The following FLVCR1 variants were observed in gnomAD, a reference collection of about 807,000 sequenced individuals.
The protein encoded by FLVCR1 is FLVCR choline and heme transporter 1.
A neutral mutation model predicts 53.6 loss-of-function variants in FLVCR1; 34 were observed. That is an observed-to-expected ratio of 0.63 (90% CI 0.48 to 0.84). FLVCR1 has a LOEUF of 0.84. Among genes scored for constraint, FLVCR1 ranks in the 40% least tolerant of loss-of-function variants. FLVCR1 has a pLI of 0.00. For synonymous variants in FLVCR1, 300 were observed against 286.3 expected (o/e 1.05, Z -0.48); for missense variants, 677 against 696.7 (o/e 0.97, Z 0.32).
intron 2 of FLVCR1, among the ~76,000 whole-genome samples, chr1:212,866,650 A>G (rs951773977): frequency 1.3e-5 from 2 of 152,198 alleles, no homozygotes; most frequent in Non-Finnish European, 2.9e-5. Flanking sequence ...AATAATAGGT[A>G]TGACTATTGG....
chr1:212,860,550 A>G (rs1664202142), intron 1 of FLVCR1, among the ~76,000 whole-genome samples: 1 of 151,556 alleles, frequency 6.6e-6, no homozygotes, highest in Admixed American at 6.6e-5. Flanking sequence ...ATTCAGTAGC[A>G]TTTCTTGATC....
intron 2 of FLVCR1, among the ~76,000 whole-genome samples, chr1:212,865,250 G>A (rs1008582129): frequency 7.3e-5 from 11 of 151,180 alleles, no homozygotes; most frequent in African/African-American, 2.7e-4. Flanking sequence ...ATTTACATTA[G>A]GTATATCTCC....
chr1:212,864,992 T>C (rs1283363163), intron 2 of FLVCR1, among the ~76,000 whole-genome samples: 3 of 152,112 alleles, frequency 2.0e-5, no homozygotes, highest in Admixed American at 2.0e-4. Flanking sequence ...AATCCACTTG[T>C]TGGTTTTGGT....
At chr1:212,877,022 C>T (rs116136392) in intron 3 of FLVCR1, among the ~76,000 whole-genome samples, 3,289 of 151,958 alleles carry the variant, frequency 0.022, 57 homozygotes, top group Middle Eastern at 0.034. Context: ...TTTTAATAAT[C>T]GTCATTCTGA....
chr1:212,869,407 C>T (rs1410596492), intron 2 of FLVCR1, among the ~76,000 whole-genome samples: 4 of 152,198 alleles, frequency 2.6e-5, no homozygotes, highest in East Asian at 1.9e-4. Flanking sequence ...GACTTAAGTT[C>T]GACTTTCCTA....
rs1023888063 is a variant in FLVCR1 at position 212,859,175 on chromosome 1, C to T, written c.723C>T (p.Ala241=). The change falls in exon 1 of 10, where the codon GCC becomes GCT. Residue 241 remains alanine, a synonymous_variant. Transcript: ENST00000366971. ...PKEVSTACAT[A]VLGNQLGTAV... ...AGGTGTCCACAGCTTGTGCCACCGCCGTGCTGGGCAATCAGGTAAGTACTG... is the reference window on the plus strand; with the variant it reads ...AGGTGTCCACAGCTTGTGCCACCGCTGTGCTGGGCAATCAGGTAAGTACTG... 3 of 1,613,902 alleles carry T rather than the reference C, an allele frequency of 1.9e-6. No individual in the cohort carries two copies. Among genetic ancestry groups the T allele is most frequent in the Admixed American group, 1.7e-5 (1 of 60,000 alleles).
chr1:212,894,633 A>C (rs1665286615), intron 8 of FLVCR1, among the ~76,000 whole-genome samples: 1 of 152,038 alleles, frequency 6.6e-6, no homozygotes, highest in African/African-American at 2.4e-5. Flanking sequence ...TTTGGCTGAC[A>C]TAGACTTTTT....
At chr1:212,871,864 A>T (rs1397687014) in intron 2 of FLVCR1, among the ~76,000 whole-genome samples, 2 of 152,178 alleles carry the variant, frequency 1.3e-5, no homozygotes. Flanking sequence ...AGAGTGTCAG[A>T]CACCATATAC....
chr1:212,867,320 A>C (rs1330799640), intron 2 of FLVCR1, among the ~76,000 whole-genome samples: 1 of 152,210 alleles, frequency 6.6e-6, no homozygotes, highest in African/African-American at 2.4e-5. Context: ...ATAGCCTCAA[A>C]CATTTGGTTT....
intron 3 of FLVCR1, among the ~76,000 whole-genome samples, chr1:212,879,526 A>T (rs912468083): frequency 6.6e-6 from 1 of 151,950 alleles, no homozygotes; most frequent in Non-Finnish European, 1.5e-5. Context: ...CTAAGATAAA[A>T]TTTTTTTTGG....
Position 212,878,104 on chromosome 1 carries a change from G to A in FLVCR1, c.1025-5267G>A, listed in dbSNP as rs554692389. 7.2e-5 allele frequency among the ~76,000 whole-genome samples: 11 copies of A among 152,254 alleles called. No individual in the cohort carries two copies. In the East Asian group the frequency reaches 1.9e-3, roughly 27 times the overall value. On this transcript the variant is annotated intron_variant, in intron 3 of 9. Coordinates refer to ENST00000366971, the MANE Select transcript of FLVCR1 (RefSeq NM_014053.4). The stretch of plus-strand genomic sequence containing the variant: ...TTTTGAACTACCAGGGCAGAGTTGA[G>A]TAGTGACATTAGTTACATTAGAGAC...
intron 3 of FLVCR1, among the ~76,000 whole-genome samples, chr1:212,877,587 T>G (rs890417817): frequency 1.3e-5 from 2 of 152,138 alleles, no homozygotes; most frequent in African/African-American, 2.4e-5. Context: ...CTTGTAAATT[T>G]AAATTCCTTG....
At chr1:212,894,914 A>G (rs1292086646) in intron 8 of FLVCR1, 72 bp from the exon 9 acceptor site, 7 of 987,802 alleles carry the variant, frequency 7.1e-6, no homozygotes, top group Non-Finnish European at 1.2e-5. Context: ...AATACCAAGA[A>G]AGACTTTGAG....
chr1:212,881,706 G>A (rs1329068246), intron 3 of FLVCR1, among the ~76,000 whole-genome samples: 3 of 151,980 alleles, frequency 2.0e-5, no homozygotes, highest in Admixed American at 6.6e-5. Context: ...GAAGTATATT[G>A]ATAAATATGA....
intron 1 of FLVCR1, among the ~76,000 whole-genome samples, chr1:212,860,998 TC>T (rs1664223999): frequency 1.3e-5 from 2 of 152,188 alleles, no homozygotes; most frequent in African/African-American, 4.8e-5. Flanking sequence ...TTCCCTCTGT[TC>T]TCGCATTCAT....
intron 4 of FLVCR1, among the ~76,000 whole-genome samples, chr1:212,885,052 A>G (rs1209767048): frequency 2.0e-5 from 3 of 152,222 alleles, no homozygotes; most frequent in Non-Finnish European, 2.9e-5. Context: ...AGGATTAAGG[A>G]AAATTTACCT....
Position 212,863,849 on chromosome 1 carries a change from T to C in FLVCR1, c.863T>C (p.Leu288Ser). Residue 288 changes from leucine to serine, a missense_variant, in exon 2 of 10, where the codon TTA becomes TCA. Transcript: ENST00000366971. ...FYGTSAVATLLFILTAIAFKE... is the reference protein window; with the variant it reads ...FYGTSAVATLSFILTAIAFKE... ...GGAACATCAGCTGTTGCCACACTTT[T>C]ATTTATTTTAACAGCAATTGGTAAG... The C allele has an allele frequency of 3.1e-6, 5 of 1,613,726 alleles. No individual in the cohort carries two copies. The highest frequency in any genetic ancestry group is 4.2e-6 in the Non-Finnish European group (5 of 1,179,614).
At chr1:212,865,830 T>A (rs533589490) in intron 2 of FLVCR1, among the ~76,000 whole-genome samples, 87 of 149,196 alleles carry the variant, frequency 5.8e-4, no homozygotes, top group Middle Eastern at 3.5e-3. Context: ...TTTTTTTTTT[T>A]ATCAAGACGG....
chr1:212,883,119 A>G (rs1664966990), intron 3 of FLVCR1, among the ~76,000 whole-genome samples: 2 of 152,216 alleles, frequency 1.3e-5, no homozygotes, highest in Non-Finnish European at 1.5e-5. Flanking sequence ...CAATCTAAAT[A>G]ATAATAGTAT....
Sources: allele counts gnomAD v4.1 joint callset (sites outside exome capture counted in the v4.1 genomes callset), GRCh38; gene constraint gnomAD v4.1.1; transcripts MANE v1.5; gene names NCBI Gene and HGNC (gene_info 2026-07-23, HGNC 2026-07-21).